CLCA2: variants seen among roughly 807,000 people sequenced by gnomAD.
The protein encoded by CLCA2 is chloride channel accessory 2.
In CLCA2, 85 loss-of-function variants were observed where a neutral mutation model predicts 82.9. That is an observed-to-expected ratio of 1.03 (90% CI 0.86 to 1.23). CLCA2 has a LOEUF of 1.23. Ranked by LOEUF, CLCA2 falls within the 50% of genes most tolerant of loss-of-function variation. The probability of loss-of-function intolerance (pLI) is 0.00; values close to 1 mark genes in which losing one functional copy is unlikely to be tolerated. For synonymous variants in CLCA2, 421 were observed against 391.7 expected, an observed-to-expected ratio of 1.07 and a Z score of -0.88; for missense variants, 1,089 against 1,124.8, an observed-to-expected ratio of 0.97 and a Z score of 0.45.
chr1:86,436,905 GT>G (rs1662622865), intron 6 of CLCA2, among the ~76,000 whole-genome samples: 1 of 152,120 alleles, frequency 6.6e-6, no homozygotes, highest in South Asian at 2.1e-4. Context: ...TAGAGATGGG[GT>G]TTCTCCATGA....
At chr1:86,439,167 C>T (rs10493791) in intron 7 of CLCA2, 61 bp downstream of exon 7, 120,078 of 1,501,658 alleles carry the variant, frequency 0.08, 5,456 homozygotes, top group African/African-American at 0.17. Context: ...TTTTAGTATA[C>T]GAGGTTTCCT....
intron 13 of CLCA2, among the ~76,000 whole-genome samples, chr1:86,453,917 T>G (rs903934918): frequency 1.3e-5 from 2 of 152,206 alleles, no homozygotes; most frequent in African/African-American, 4.8e-5. Context: ...CTGGAAGTGA[T>G]TCATTTTCTG....
chr1:86,447,505 C>T lies in CLCA2; in HGVS notation c.1714-3C>T. 1 of 1,609,980 alleles carries T rather than the reference C, an allele frequency of 6.2e-7. No individual in the cohort carries two copies. Among genetic ancestry groups the T allele is most frequent in the South Asian group, 1.1e-5 (1 of 90,720 alleles). On this transcript the variant is annotated splice_region_variant and splice_polypyrimidine_tract_variant and intron_variant, in intron 10 of 13. Transcript: ENST00000370565. ...TTCCAAAACAATAAGACTTGTTTTA[C>T]AGCCTGGGCACTGGACTTACACCCT...
chr1:86,446,816 A>G (rs1048778694), intron 10 of CLCA2, among the ~76,000 whole-genome samples: 2 of 152,224 alleles, frequency 1.3e-5, no homozygotes, highest in Non-Finnish European at 1.5e-5. Context: ...TTTCTGCTAT[A>G]TTGTAATTTT....
intron 10 of CLCA2, among the ~76,000 whole-genome samples, chr1:86,445,814 C>T (rs1662841294): frequency 6.6e-6 from 1 of 152,080 alleles, no homozygotes; most frequent in African/African-American, 2.4e-5. Flanking sequence ...ACAAAAAATA[C>T]TACCCTCACA....
At chr1:86,444,367 C>T (rs1249314244) in intron 10 of CLCA2, among the ~76,000 whole-genome samples, 2 of 152,126 alleles carry the variant, frequency 1.3e-5, no homozygotes, top group African/African-American at 4.8e-5. Context: ...TGAATACATG[C>T]AATGCATGTG....
chr1:86,441,030 G>A (rs1662723577), intron 8 of CLCA2, among the ~76,000 whole-genome samples: 1 of 152,130 alleles, frequency 6.6e-6, no homozygotes, highest in African/African-American at 2.4e-5. Flanking sequence ...AATAAAAAAT[G>A]GGCATGCTGA....
intron 4 of CLCA2, 86 bp from the exon 5 acceptor site, chr1:86,432,283 C>A: frequency 6.7e-7 from 1 of 1,482,248 alleles, no homozygotes; most frequent in Non-Finnish European, 9.2e-7. Flanking sequence ...GGCTACAATC[C>A]TTGTAATAAT....
chr1:86,442,967 TTGTACTCTGTACATGTTACACATGTGTG>T (rs1421287531), intron 9 of CLCA2, among the ~76,000 whole-genome samples: 1 of 152,232 alleles, frequency 6.6e-6, no homozygotes, highest in Non-Finnish European at 1.5e-5. Flanking sequence ...AGGCATACGT[TTGTACTCTGTACATGTTACACATGTGTG>T]TGCACACACG....
chr1:86,425,152 A>G (rs1662362685), intron 1 of CLCA2, among the ~76,000 whole-genome samples, 187 bp from the exon 2 acceptor site: 1 of 152,198 alleles, frequency 6.6e-6, no homozygotes. Flanking sequence ...AAAATCTTCC[A>G]TATAATCATT....
In CLCA2 at chr1:86,443,982, G is replaced by C. The variant is rs963743347; in HGVS notation, c.1684G>C (p.Ala562Pro). Residue 562 changes from alanine (A) to proline (P), a missense_variant, in exon 10 of 14, where the codon GCT (alanine) becomes CCT (proline). By Grantham distance (27) the Ala-to-Pro change is conservative. Coordinates refer to ENST00000370565, the MANE Select transcript of CLCA2 (RefSeq NM_006536.7). ...TATCACCAATCTAACTTTTCGGACA[G>C]CTAGTCTTTGGATTCCAGGAACAGC... is the stretch of plus-strand genomic sequence containing the variant. ...NFITNLTFRT[A>P]SLWIPGTAKP... 9 of 1,612,798 alleles carry C rather than the reference G, an allele frequency of 5.6e-6. No homozygotes were observed. The highest frequency in any genetic ancestry group is 7.6e-6 in the Non-Finnish European group (9 of 1,178,916).
intron 6 of CLCA2, among the ~76,000 whole-genome samples, chr1:86,435,274 T>A (rs900149604): frequency 1.3e-5 from 2 of 152,180 alleles, no homozygotes; most frequent in African/African-American, 4.8e-5. Context: ...TAACCCTTAT[T>A]TTTGCTACTA....
chr1:86,430,814 A>G, intron 3 of CLCA2, 48 bp from the exon 4 acceptor site: 2 of 1,387,146 alleles, frequency 1.4e-6, no homozygotes, highest in Non-Finnish European at 2.1e-6. Context: ...AGCAAGGCAC[A>G]TTGCTGAGAT....
Position 86,443,906 on chromosome 1 carries a change from T to C in CLCA2, c.1608T>C (p.Pro536=). ...TTACGTGGCAGGCCAGTGGTCCTCCTGAGATTATATTATTTGATCCTGATG... is the reference window on the plus strand; with the variant it reads ...TTACGTGGCAGGCCAGTGGTCCTCCCGAGATTATATTATTTGATCCTGATG... ...FLVTWQASGP[P]EIILFDPDGR... is the part of the protein sequence containing the mutation. Residue 536 remains proline, a synonymous_variant, in exon 10 of 14, where the codon CCT becomes CCC. Transcript: ENST00000370565. 2 of 1,613,480 alleles carry C rather than the reference T, an allele frequency of 1.2e-6. No homozygotes were observed. Among genetic ancestry groups the C allele is most frequent in the Non-Finnish European group, 1.7e-6 (2 of 1,179,404 alleles).
At chr1:86,445,381 T>TTC (rs1296438401) in intron 10 of CLCA2, 2 of 139,486 alleles carry the variant, frequency 1.4e-5, no homozygotes, top group East Asian at 2.0e-4. Context: ...TTTTTTTTTT[T>TTC]AGCTTAGAAG....
intron 9 of CLCA2, 44 bp from the exon 10 acceptor site, chr1:86,443,743 T>A: frequency 1.4e-6 from 2 of 1,380,732 alleles, no homozygotes; most frequent in Non-Finnish European, 2.0e-6. Flanking sequence ...ATGGAATGAT[T>A]ATGCATACAC....
intron 12 of CLCA2, among the ~76,000 whole-genome samples, chr1:86,452,381 G>T (rs1401606218): frequency 6.6e-6 from 1 of 151,882 alleles, no homozygotes; most frequent in Non-Finnish European, 1.5e-5. Context: ...TGGCCGCCTT[G>T]TTGCTTGCTG....
At chr1:86,429,488 C>T (rs1662451302) in intron 3 of CLCA2, among the ~76,000 whole-genome samples, 2 of 152,174 alleles carry the variant, frequency 1.3e-5, no homozygotes, top group African/African-American at 4.8e-5. Context: ...AAGTCTGGAT[C>T]TAGGCAAATT....
chr1:86,453,040 A>G (rs1422958882), intron 12 of CLCA2, among the ~76,000 whole-genome samples: 1 of 152,036 alleles, frequency 6.6e-6, no homozygotes, highest in East Asian at 1.9e-4. Flanking sequence ...GCACGTGGTG[A>G]CGGGCACCTG....
Sources: gnomAD v4.1 joint callset for allele counts (sites outside exome capture counted in the v4.1 genomes callset) on GRCh38, gnomAD v4.1.1 for gene constraint, MANE v1.5 for transcripts, NCBI Gene and HGNC (gene_info 2026-07-23, HGNC 2026-07-21) for gene names.